The following RPS19 variants were observed in gnomAD, a reference collection of about 807,000 sequenced individuals.
The protein encoded by RPS19 is ribosomal protein S19.
In RPS19, 1 loss-of-function variant was observed where a neutral mutation model predicts 20.3. The ratio of observed to expected loss-of-function variants is 0.05; its 90% CI spans 0.02 to 0.23. The LOEUF is 0.23. RPS19 is among the 10% of genes least tolerant of loss of function. The probability of loss-of-function intolerance (pLI) is 1.00; values close to 1 mark genes in which losing one functional copy is unlikely to be tolerated. For missense variants in RPS19, 111 were observed against 192.7 expected, an observed-to-expected ratio of 0.58 and a Z score of 2.51; for synonymous variants, 87 against 74.8, an observed-to-expected ratio of 1.16 and a Z score of -0.84.
chr19:41,869,609 T>A (rs2075750), intron 4 of RPS19, 90 bp from the exon 5 acceptor site: 1 of 1,463,548 alleles, frequency 6.8e-7, no homozygotes, highest in Admixed American at 1.7e-5. Flanking sequence ...CAGGTGGCTT[T>A]TTGAGAAGCC....
intron 3 of RPS19, among the ~76,000 whole-genome samples, chr19:41,866,812 T>C (rs770616572): frequency 3.5e-4 from 53 of 151,596 alleles, no homozygotes; most frequent in Non-Finnish European, 6.6e-4. Flanking sequence ...GTCAGGAGAT[T>C]GAGACCATCC....
At chr19:41,861,301 C>A in intron 3 of RPS19, 89 bp downstream of exon 3, 1 of 956,094 alleles carries the variant, frequency 1.0e-6, no homozygotes, top group Non-Finnish European at 1.7e-6. Context: ...GAGCTCTTTC[C>A]CGCCCCAAGA....
chr19:41,869,777 GC>G, intron 5 of RPS19, 24 bp downstream of exon 5: 1 of 1,612,518 alleles, frequency 6.2e-7, no homozygotes, highest in Non-Finnish European at 8.5e-7. Context: ...TTGGGGTGGG[GC>G]TGGGTCCCTT....
At chr19:41,867,338 C>G (rs2074101289) in intron 3 of RPS19, among the ~76,000 whole-genome samples, 1 of 152,102 alleles carries the variant, frequency 6.6e-6, no homozygotes, top group African/African-American at 2.4e-5. Flanking sequence ...GAGTCTCACT[C>G]TGTCACCCAG....
intron 3 of RPS19, among the ~76,000 whole-genome samples, chr19:41,868,187 G>A (rs2042244092): frequency 6.6e-6 from 1 of 152,236 alleles, no homozygotes. Flanking sequence ...AGCTAGGCAG[G>A]ACCATGTGAT....
In RPS19 at chr19:41,861,281, T is replaced by G. The variant is rs373907936; in HGVS notation, c.172+69T>G. 99 of 1,126,748 alleles carry G rather than the reference T, an allele frequency of 8.8e-5. No homozygotes were observed. In the East Asian group the frequency reaches 9.8e-4, roughly 11 times the overall value. 69.8% of individuals were successfully genotyped at this position (1,126,748 alleles called of 1,614,324 possible). On this transcript the variant is annotated intron_variant, in intron 3 of 5. Coordinates refer to ENST00000598742, the MANE Select transcript of RPS19 (RefSeq NM_001022.4). ...ACCCCTGGCACAAACCATACTTCCC[T>G]GTCTCCTCTGAGCTCTTTCCCGCCC...
At chr19:41,867,706 G>A (rs566039789) in intron 3 of RPS19, among the ~76,000 whole-genome samples, 1 of 152,304 alleles carries the variant, frequency 6.6e-6, no homozygotes, top group Non-Finnish European at 1.5e-5. Flanking sequence ...TTAGGAGGCT[G>A]AGGCAAGAGG....
chr19:41,867,530 T>TC (rs2123280333), intron 3 of RPS19, among the ~76,000 whole-genome samples: 1 of 152,296 alleles, frequency 6.6e-6, no homozygotes, highest in East Asian at 1.9e-4. Flanking sequence ...CAGGCTGGTC[T>TC]CAAACTCCTG....
chr19:41,869,250 G>T lies in RPS19; in HGVS notation c.356+36G>T, dbSNP rs782574491. 7 of 1,571,816 alleles carry T rather than the reference G, an allele frequency of 4.5e-6. No individual in the cohort carries two copies. In the South Asian group the frequency reaches 6.7e-5, roughly 15 times the overall value. ...TAGAGGGGGCTGCATTGATGGAGTAGCCTTGAGGCCCGGTCATCAATTCCC... is the reference window on the plus strand; with the variant it reads ...TAGAGGGGGCTGCATTGATGGAGTATCCTTGAGGCCCGGTCATCAATTCCC... On this transcript the variant is annotated intron_variant, in intron 4 of 5. Transcript: ENST00000598742.
chr19:41,862,415 C>T (rs1475057237), intron 3 of RPS19, among the ~76,000 whole-genome samples: 5 of 152,052 alleles, frequency 3.3e-5, no homozygotes, highest in African/African-American at 4.8e-5. Flanking sequence ...GAAAATGGGG[C>T]GGATGAAGAG....
At chr19:41,866,348 G>T (rs1345793006) in intron 3 of RPS19, among the ~76,000 whole-genome samples, 3 of 152,236 alleles carry the variant, frequency 2.0e-5, no homozygotes, top group African/African-American at 2.4e-5. Context: ...TCCACCCAGA[G>T]CCCCAGGGCA....
intron 5 of RPS19, 36 bp from the exon 6 acceptor site, chr19:41,871,315 C>T (rs782591236): frequency 5.6e-6 from 9 of 1,611,802 alleles, no homozygotes; most frequent in Admixed American, 1.7e-5. Context: ...CAGAGACCCC[C>T]TTGACTAACT....
intron 1 of RPS19, chr19:41,860,501 G>A: frequency 2.0e-5 from 10 of 503,298 alleles, no homozygotes; most frequent in South Asian, 1.9e-4. Context: ...CGGGGTGCGT[G>A]GGGCGTCCGG....
chr19:41,860,709 G>C, intron 1 of RPS19, 66 bp from the exon 2 acceptor site: 1 of 1,149,944 alleles, frequency 8.7e-7, no homozygotes, highest in South Asian at 1.2e-5. Flanking sequence ...GGATTGGGGT[G>C]GGGTCCGTGC....
chr19:41,871,627 G>C lies in RPS19; in HGVS notation c.*250G>C. Reference sequence around the variant, plus strand: ...TTCTTCAGGGGCATGAGGAAGAGGCGCTTCCTCCCTTCCCTTGGGTGAGGG... The same window carrying C: ...TTCTTCAGGGGCATGAGGAAGAGGCCCTTCCTCCCTTCCCTTGGGTGAGGG... On this transcript the variant is annotated 3_prime_UTR_variant, in exon 6 of 6. Coordinates refer to ENST00000598742, the MANE Select transcript of RPS19 (RefSeq NM_001022.4). 1 of 502,552 alleles carries C rather than the reference G, an allele frequency of 2.0e-6. No individual in the cohort carries two copies. The highest frequency in any genetic ancestry group is 3.6e-6 in the Non-Finnish European group (1 of 277,756). The allele number at this position is 502,552 out of a possible 1,614,324, so 31.1% of individuals were successfully genotyped here.
chr19:41,864,894 A>G (rs1170009577), intron 3 of RPS19: 1 of 152,210 alleles, frequency 6.6e-6, no homozygotes, highest in African/African-American at 2.4e-5. Flanking sequence ...GGGGGTGAGG[A>G]AAAAGGTCAG....
chr19:41,860,926 C>T (rs1367665859), intron 2 of RPS19, 81 bp downstream of exon 2: 4 of 1,234,282 alleles, frequency 3.2e-6, no homozygotes, highest in Non-Finnish European at 4.5e-6. Context: ...TTTGCCGGTC[C>T]CTGGCAGGCG....
chr19:41,868,873 G>C (rs563893985), intron 3 of RPS19, among the ~76,000 whole-genome samples, 158 bp from the exon 4 acceptor site: 6 of 151,948 alleles, frequency 3.9e-5, no homozygotes, highest in African/African-American at 1.2e-4. Context: ...TAGCCGGGGG[G>C]GTGGGTGAGG....
At chr19:41,867,766 C>T (rs550944615) in intron 3 of RPS19, among the ~76,000 whole-genome samples, 2 of 152,348 alleles carry the variant, frequency 1.3e-5, no homozygotes, top group East Asian at 1.9e-4. Flanking sequence ...GATCACACCA[C>T]AGCACCCCAG....
Sources: gnomAD v4.1 joint callset for allele counts (sites outside exome capture counted in the v4.1 genomes callset) on GRCh38, gnomAD v4.1.1 for gene constraint, MANE v1.5 for transcripts, NCBI Gene and HGNC (gene_info 2026-07-23, HGNC 2026-07-21) for gene names.